The following PKIG variants were observed in gnomAD, a reference collection of about 807,000 sequenced individuals.
The protein encoded by PKIG is protein kinase (cAMP-dependent, catalytic) inhibitor gamma.
In PKIG, 1 loss-of-function variant was observed where a neutral mutation model predicts 6.8. The observed-to-expected ratio is 0.15, with a 90% CI of 0.05 to 0.69. The LOEUF (loss-of-function observed/expected upper bound fraction) is 0.69, where lower values mean the gene tolerates loss of function less well. Among genes scored for constraint, PKIG ranks in the 30% least tolerant of loss-of-function variants. The pLI is 0.82. For missense variants in PKIG, 77 were observed against 104.0 expected (o/e 0.74, Z 1.13); for synonymous variants, 39 against 43.0 (o/e 0.91, Z 0.36).
intron 1 of PKIG, among the ~76,000 whole-genome samples, chr20:44,553,242 A>G (rs2064684442): frequency 6.6e-6 from 1 of 152,210 alleles, no homozygotes; most frequent in Non-Finnish European, 1.5e-5. Flanking sequence ...CCATCCCAGG[A>G]AAGGCTAAAG....
chr20:44,544,648 A>C (rs1446728519), intron 1 of PKIG, among the ~76,000 whole-genome samples: 1 of 152,216 alleles, frequency 6.6e-6, no homozygotes, highest in African/African-American at 2.4e-5. Flanking sequence ...CTAAGTCCCA[A>C]CCACCATGTT....
chr20:44,563,402 G>T (rs1020252188), intron 1 of PKIG, among the ~76,000 whole-genome samples: 2 of 152,104 alleles, frequency 1.3e-5, no homozygotes, highest in South Asian at 2.1e-4. Context: ...GATTCTGTGG[G>T]TCGGAAGTTT....
chr20:44,555,137 C>G (rs542044519), intron 1 of PKIG, among the ~76,000 whole-genome samples: 3 of 151,788 alleles, frequency 2.0e-5, no homozygotes, highest in African/African-American at 7.2e-5. Context: ...TGATGTTATT[C>G]TTAAAGAAAA....
At chr20:44,605,301 G>A (rs2065154276) in intron 2 of PKIG, among the ~76,000 whole-genome samples, 1 of 151,710 alleles carries the variant, frequency 6.6e-6, no homozygotes, top group African/African-American at 2.4e-5. Context: ...CAGCTACTCA[G>A]GAGGCTGAGG....
intron 1 of PKIG, among the ~76,000 whole-genome samples, chr20:44,583,016 T>C (rs1243185082): frequency 6.6e-6 from 1 of 152,232 alleles, no homozygotes; most frequent in East Asian, 1.9e-4. Flanking sequence ...AGCTCCTTGC[T>C]CCAAATATAG....
intron 1 of PKIG, among the ~76,000 whole-genome samples, chr20:44,554,486 T>G (rs764079883): frequency 6.6e-5 from 10 of 152,124 alleles, no homozygotes; most frequent in Non-Finnish European, 1.5e-4. Context: ...AACTTTTAAC[T>G]TGGTAGTCAG....
intron 3 of PKIG, 50 bp from the exon 4 acceptor site, chr20:44,618,235 A>T (rs2065287825): frequency 8.3e-7 from 1 of 1,208,334 alleles, no homozygotes; most frequent in South Asian, 1.2e-5. Context: ...CCTTCTGTGC[A>T]TTACTTTGTG....
intron 1 of PKIG, among the ~76,000 whole-genome samples, chr20:44,584,743 G>A (rs1338921330): frequency 1.0e-4 from 15 of 148,086 alleles, no homozygotes; most frequent in South Asian, 2.1e-4. Context: ...TTTTTGAGAC[G>A]GAGTCTCACT....
At chr20:44,531,925 C>G (rs1484522241) in exon 1 of PKIG, 1 of 152,086 alleles carries the variant, frequency 6.6e-6, no homozygotes, top group Non-Finnish European at 1.5e-5. Flanking sequence ...TAGGCTGCCC[C>G]GGGGAGGCGC....
intron 1 of PKIG, among the ~76,000 whole-genome samples, chr20:44,565,499 T>C (rs2064802939): frequency 1.3e-5 from 2 of 152,224 alleles, no homozygotes; most frequent in Non-Finnish European, 2.9e-5. Flanking sequence ...TCAACCCCAC[T>C]AAGGGGGACT....
chr20:44,558,051 A>C (rs1368123638), intron 1 of PKIG, among the ~76,000 whole-genome samples: 1 of 151,292 alleles, frequency 6.6e-6, no homozygotes. Context: ...TTTGTCTTTA[A>C]ATGACTATAA....
chr20:44,583,608 G>T (rs923825911), intron 1 of PKIG, among the ~76,000 whole-genome samples: 1 of 152,146 alleles, frequency 6.6e-6, no homozygotes, highest in Non-Finnish European at 1.5e-5. Context: ...CTAACGGGAA[G>T]ATTTCAGCTT....
At chr20:44,577,323 AG>A (rs2064907663) in intron 1 of PKIG, among the ~76,000 whole-genome samples, 1 of 151,904 alleles carries the variant, frequency 6.6e-6, no homozygotes, top group Non-Finnish European at 1.5e-5. Context: ...TAGTAGAGAC[AG>A]GGTTTCACCA....
At chr20:44,563,179 A>C (rs1159933412) in intron 1 of PKIG, among the ~76,000 whole-genome samples, 2 of 152,230 alleles carry the variant, frequency 1.3e-5, no homozygotes, top group African/African-American at 4.8e-5. Context: ...TCCTGAGAAT[A>C]GAAAGAGATT....
At chr20:44,536,981 G>T (rs2064517855) in intron 1 of PKIG, among the ~76,000 whole-genome samples, 1 of 152,180 alleles carries the variant, frequency 6.6e-6, no homozygotes, top group Admixed American at 6.5e-5. Context: ...GCAGGCTGGA[G>T]TGCAATGGCA....
chr20:44,570,437 A>G (rs1270554765), intron 1 of PKIG, among the ~76,000 whole-genome samples: 1 of 152,212 alleles, frequency 6.6e-6, no homozygotes, highest in Non-Finnish European at 1.5e-5. Context: ...AAACTTTTGT[A>G]TCATCCTGAG....
At chr20:44,568,256 G>A (rs956963933) in intron 1 of PKIG, among the ~76,000 whole-genome samples, 2 of 151,920 alleles carry the variant, frequency 1.3e-5, no homozygotes, top group Admixed American at 6.6e-5. Flanking sequence ...ATAACTTTTC[G>A]TATTTTTTCT....
At chr20:44,602,031 A>C (rs1485696213) in intron 2 of PKIG, among the ~76,000 whole-genome samples, 1 of 152,232 alleles carries the variant, frequency 6.6e-6, no homozygotes, top group Non-Finnish European at 1.5e-5. Context: ...CCAGGGCCCC[A>C]AAAGGCCTGG....
upstream of PKIG, among the ~76,000 whole-genome samples, chr20:44,582,278 A>G (rs551903152): frequency 4.6e-5 from 7 of 152,326 alleles, no homozygotes; most frequent in African/African-American, 1.7e-4. Flanking sequence ...CCCACTAAGA[A>G]GCAAAGGAAT....
Sources: allele counts gnomAD v4.1 joint callset (sites outside exome capture counted in the v4.1 genomes callset), GRCh38; gene constraint gnomAD v4.1.1; transcripts MANE v1.5; gene names NCBI Gene and HGNC (gene_info 2026-07-23, HGNC 2026-07-21).